The following APOL5 variants were observed in gnomAD, a reference collection of about 807,000 sequenced individuals.
The protein encoded by APOL5 is apolipoprotein L5.
In APOL5, 29 loss-of-function variants were observed where a neutral mutation model predicts 35.5. That is an observed-to-expected ratio of 0.82 (90% CI 0.61 to 1.11). The LOEUF is 1.11. APOL5 is among the 50% of genes most tolerant of loss of function. APOL5 has a pLI of 0.00. For missense variants in APOL5, 514 were observed against 530.4 expected, an observed-to-expected ratio of 0.97 and a Z score of 0.30; for synonymous variants, 188 against 200.2, an observed-to-expected ratio of 0.94 and a Z score of 0.51.
chr22:35,710,381 A>T, the APOL5 span, among the ~76,000 whole-genome samples: 1 of 149,396 alleles, frequency 6.7e-6, no homozygotes, highest in Non-Finnish European at 1.5e-5. Context: ...GGCTCAAGTG[A>T]TCCTCCCGCC....
chr22:35,711,834 C>A, the APOL5 span, among the ~76,000 whole-genome samples: 1 of 151,964 alleles, frequency 6.6e-6, no homozygotes, highest in Non-Finnish European at 1.5e-5. Flanking sequence ...CACCACCACA[C>A]CTGGTTAATT....
chr22:35,713,352 C>T (rs559279401), upstream of APOL5, among the ~76,000 whole-genome samples: 5 of 152,118 alleles, frequency 3.3e-5, no homozygotes, highest in South Asian at 2.1e-4. Flanking sequence ...ATGGAGATAG[C>T]GAGAGGCTTG....
chr22:35,716,659 C>T (rs1029714746), upstream of APOL5, among the ~76,000 whole-genome samples: 1 of 152,114 alleles, frequency 6.6e-6, no homozygotes, highest in Non-Finnish European at 1.5e-5. Context: ...TCACCCTAGC[C>T]CTAAATCTCC....
chr22:35,726,812 G>A lies in APOL5; in HGVS notation c.744G>A (p.Met248Ile). 2.5e-6 allele frequency: 4 copies of A among 1,614,196 alleles called. No homozygotes were observed. The highest frequency in any genetic ancestry group is 3.4e-6 in the Non-Finnish European group (4 of 1,180,050). ...QGIKDLHAYQMAKSNSGFMAM... is the reference protein window; with the variant it reads ...QGIKDLHAYQIAKSNSGFMAM... ...TCAAGGATCTTCATGCCTACCAGAT[G>A]GCCAAATCCAACTCTGGCTTCATGG... Residue 248 changes from methionine to isoleucine, a missense_variant, in exon 3 of 5, where the codon ATG (methionine) becomes ATA (isoleucine). By Grantham distance (10) the Met-to-Ile change is conservative (BLOSUM62 1). This residue lies in a region of APOL5 where 22 missense variants were observed against 46.6 expected (regional missense o/e 0.47). Coordinates refer to ENST00000249044, the MANE Select transcript of APOL5 (RefSeq NM_030642.1).
intron 2 of APOL5, 148 bp downstream of exon 2, chr22:35,720,802 G>A (rs1201381400): frequency 3.3e-6 from 2 of 598,784 alleles, no homozygotes; most frequent in Non-Finnish European, 5.8e-6. Context: ...TTGGAGTGCA[G>A]TGGCACGATC....
intron 2 of APOL5, among the ~76,000 whole-genome samples, chr22:35,725,384 G>A (rs2030009362): frequency 6.6e-6 from 1 of 152,048 alleles, no homozygotes; most frequent in African/African-American, 2.4e-5. Context: ...TCCTGCCTCA[G>A]CTTCCCGAGT....
intron 2 of APOL5, among the ~76,000 whole-genome samples, chr22:35,725,291 ACT>A (rs1358040960): frequency 2.0e-4 from 30 of 151,062 alleles, no homozygotes; most frequent in African/African-American, 6.8e-4. Flanking sequence ...TTTTAGATGA[ACT>A]CTTGCTCTGT....
chr22:35,728,884 AG>A lies in APOL5; in HGVS notation c.1289del (p.Arg430AsnfsTer14). ...AAGAAAGGGGAGACAGGCCCCGGGA[AG>A]ACACCGACAATGAGAAGAGGTAAGT... Reference protein sequence around the residue: ...PARKGRQAPGRHRQ With the variant: ...PARKGRQAPGXHRQ On this transcript the variant is annotated frameshift_variant, in exon 4 of 5. Coordinates refer to ENST00000249044, the MANE Select transcript of APOL5 (RefSeq NM_030642.1). LOFTEE classifies it low-confidence loss of function (END_TRUNC). The A allele has an allele frequency of 6.2e-7, 1 of 1,603,380 alleles. No homozygotes were observed. The highest frequency in any genetic ancestry group is 8.5e-7 in the Non-Finnish European group (1 of 1,175,470).
intron 2 of APOL5, among the ~76,000 whole-genome samples, chr22:35,725,349 T>C (rs1214768901): frequency 6.6e-6 from 1 of 152,106 alleles, no homozygotes. Flanking sequence ...CACTGCAACC[T>C]CCACTTCCCT....
At chr22:35,717,741 A>C (rs1310892088), upstream of APOL5, 1 of 270,318 alleles carries the variant, frequency 3.7e-6, no homozygotes, top group African/African-American at 5.9e-5. Context: ...TCCATCGCAA[A>C]AAAAAAAAAA....
upstream of APOL5, among the ~76,000 whole-genome samples, chr22:35,715,715 T>G (rs558991449): frequency 3.9e-5 from 6 of 152,294 alleles, no homozygotes; most frequent in South Asian, 1.0e-3. Context: ...GAGGTCTTAT[T>G]CTAAGTGTTG....
the APOL5 span, among the ~76,000 whole-genome samples, chr22:35,710,144 A>G: frequency 1.1e-5 from 1 of 87,218 alleles, no homozygotes; most frequent in South Asian, 3.5e-4. Flanking sequence ...TTTTTTTGAG[A>G]CAGAGTCTTG....
chr22:35,728,876 C>T lies in APOL5; in HGVS notation c.1280C>T (p.Ala427Val). 5 of 1,606,074 alleles carry T rather than the reference C, an allele frequency of 3.1e-6. No homozygotes were observed. In the South Asian group the frequency reaches 3.3e-5, roughly 11 times the overall value. ...GCACCAGCAAGAAAGGGGAGACAGG[C>T]CCCGGGAAGACACCGACAATGAGAA... is the stretch of plus-strand genomic sequence containing the variant. ...PPAPARKGRQ[A>V]PGRHRQ The change falls in exon 4 of 5, where the codon GCC (alanine) becomes GTC (valine). Residue 427 changes from alanine to valine, a missense_variant. Ala to Val is a moderately conservative substitution (Grantham distance 64, BLOSUM62 0). Transcript: ENST00000249044.
chr22:35,727,170 G>A lies in APOL5; in HGVS notation c.1102G>A (p.Gly368Arg), dbSNP rs1927199323. The change falls in exon 3 of 5, where the codon GGA becomes AGA. Residue 368 changes from glycine (G) to arginine (R), a missense_variant. Coordinates refer to ENST00000249044, the MANE Select transcript of APOL5 (RefSeq NM_030642.1). ...CAGCTCCCGGGGCAGGGCTGTTCGAGGATCCCGTGTGGTTAAACCAGAAGG... is the reference window on the plus strand; with the variant it reads ...CAGCTCCCGGGGCAGGGCTGTTCGAAGATCCCGTGTGGTTAAACCAGAAGG... Reference protein sequence around the residue: ...CSSSRGRAVRGSRVVKPEGSR... With the variant: ...CSSSRGRAVRRSRVVKPEGSR... 1 of 1,603,062 alleles carries A rather than the reference G, an allele frequency of 6.2e-7. No homozygotes were observed. Among genetic ancestry groups the A allele is most frequent in the African/African-American group, 1.3e-5 (1 of 74,858 alleles).
intron 3 of APOL5, 28 bp from the exon 4 acceptor site, chr22:35,728,695 G>A (rs1927262769): frequency 2.5e-6 from 4 of 1,600,692 alleles, no homozygotes; most frequent in Non-Finnish European, 3.4e-6. Context: ...CTTGGAAGTT[G>A]TAAGACACAG....
chr22:35,718,024 C>A, intron 1 of APOL5, 98 bp downstream of exon 1: 1 of 951,088 alleles, frequency 1.1e-6, no homozygotes, highest in Non-Finnish European at 1.5e-6. Flanking sequence ...TTATACCCAC[C>A]ATATGCTATT....
At chr22:35,725,109 C>A (rs1278454326) in intron 2 of APOL5, among the ~76,000 whole-genome samples, 2 of 152,144 alleles carry the variant, frequency 1.3e-5, no homozygotes, top group African/African-American at 4.8e-5. Context: ...CCAGTGGGTT[C>A]ATTTTGCCCT....
At position 35,726,915 on chromosome 22, in the gene APOL5, A is replaced by T; in HGVS notation, c.847A>T (p.Thr283Ser). ...ARGVQRAFEGTTLAMTNGAWV... is the reference protein window; with the variant it reads ...ARGVQRAFEGSTLAMTNGAWV... ...AGGGGTGCAGAGAGCCTTTGAGGGC[A>T]CAACTCTGGCCATGACCAATGGTGC... is the stretch of plus-strand genomic sequence containing the variant. The change falls in exon 3 of 5, where the codon ACA becomes TCA. Residue 283 changes from threonine to serine, a missense_variant. Around this residue, in one of 3 missense-constraint regions of APOL5, gnomAD observed 238 missense variants for 229.1 expected, o/e 1.04. Transcript: ENST00000249044. The T allele has an allele frequency of 6.2e-7, 1 of 1,614,214 alleles. No homozygotes were observed. The highest frequency in any genetic ancestry group is 8.5e-7 in the Non-Finnish European group (1 of 1,180,038).
Position 35,728,792 on chromosome 22 carries a change from G to A in APOL5, c.1196G>A (p.Arg399Lys). 1.9e-6 allele frequency: 3 copies of A among 1,613,578 alleles called. No homozygotes were observed. The highest frequency in any genetic ancestry group is 1.7e-6 in the Non-Finnish European group (2 of 1,179,776). The change falls in exon 4 of 5, where the codon AGG (arginine) becomes AAG (lysine). Residue 399 changes from arginine to lysine, a missense_variant. By Grantham distance (26) the Arg-to-Lys change is conservative. Coordinates refer to ENST00000249044, the MANE Select transcript of APOL5 (RefSeq NM_030642.1). ...AGGCTGGGCCCTGGCGTGGCACTGA[G>A]GACACCAAAGAGGACAGTCTCTGCC... is the stretch of plus-strand genomic sequence containing the variant. ...QPRLGPGVALRTPKRTVSAPR... is the reference protein window; with the variant it reads ...QPRLGPGVALKTPKRTVSAPR...
Sources: allele counts gnomAD v4.1 joint callset (sites outside exome capture counted in the v4.1 genomes callset), GRCh38; gene constraint gnomAD v4.1.1; regional missense constraint gnomAD v4.1.1; transcripts MANE v1.5; gene names NCBI Gene and HGNC (gene_info 2026-07-23, HGNC 2026-07-21).